Variants in VNN1 observed in about 807,000 individuals in gnomAD.
The protein encoded by VNN1 is vanin 1, also known as pantetheinase.
A neutral mutation model predicts 41.9 loss-of-function variants in VNN1; 29 were observed. The observed-to-expected ratio is 0.69, with a 90% CI of 0.52 to 0.94. VNN1 has a LOEUF of 0.94. Ranked by LOEUF, VNN1 falls within the 40% of genes least tolerant of loss-of-function variation. VNN1 has a pLI of 0.00. For missense variants in VNN1, 637 were observed against 621.1 expected (o/e 1.03, Z -0.27); for synonymous variants, 233 against 224.4 (o/e 1.04, Z -0.34).
At chr6:132,691,587 A>G (rs2114342856) in intron 5 of VNN1, among the ~76,000 whole-genome samples, 1 of 152,332 alleles carries the variant, frequency 6.6e-6, no homozygotes, top group East Asian at 1.9e-4. Flanking sequence ...GTTTTCAATG[A>G]ACTCCTGTTA....
At chr6:132,700,392 C>T (rs1183354293) in intron 2 of VNN1, among the ~76,000 whole-genome samples, 2 of 152,132 alleles carry the variant, frequency 1.3e-5, no homozygotes, top group African/African-American at 4.8e-5. Context: ...AAGAGAGGGC[C>T]CTGACAAGGA....
Position 132,684,442 on chromosome 6 carries a change from C to T in VNN1, c.1252G>A (p.Ala418Thr), listed in dbSNP as rs202108847. 6.2e-7 allele frequency: 1 copy of T among 1,614,010 alleles called. No homozygotes were observed. The highest frequency in any genetic ancestry group is 8.5e-7 in the Non-Finnish European group (1 of 1,179,954). The change falls in exon 6 of 7, where the codon GCT becomes ACT. Residue 418 changes from alanine (A) to threonine (T), a missense_variant. Physicochemically the swap from Ala to Thr is moderately conservative, Grantham distance 58. Transcript: ENST00000367928. ...GAGAACATTTCAAACCTGGTAGAAGCTGTTTCAGCTGAGTCACCGCAAGTG... is the reference window on the plus strand; with the variant it reads ...GAGAACATTTCAAACCTGGTAGAAGTTGTTTCAGCTGAGTCACCGCAAGTG... Reference protein sequence around the residue: ...LNTCGDSAETASTRFEMFSLS... With the variant: ...LNTCGDSAETTSTRFEMFSLS...
In VNN1 at chr6:132,694,250, T is replaced by C; in HGVS notation, c.342-68A>G. ...TCTTAACTCTCAACAAAATCCTGAA[T>C]GATAGTTGCCTAAACCTATTATTTG... On this transcript the variant is annotated intron_variant, in intron 2 of 6. Transcript: ENST00000367928. 4 of 1,433,130 alleles carry C rather than the reference T, an allele frequency of 2.8e-6. No homozygotes were observed. The South Asian group carries it at 4.3e-5, about 15-fold the overall frequency. 88.8% of individuals were successfully genotyped at this position (1,433,130 alleles called of 1,614,324 possible).
chr6:132,685,949 C>A (rs144665879), intron 5 of VNN1, among the ~76,000 whole-genome samples: 1 of 151,682 alleles, frequency 6.6e-6, no homozygotes, highest in South Asian at 2.1e-4. Flanking sequence ...CCCCCTCCAC[C>A]CCCACCCACA....
chr6:132,701,461 T>TG (rs1778448441), intron 2 of VNN1, among the ~76,000 whole-genome samples: 1 of 152,194 alleles, frequency 6.6e-6, no homozygotes, highest in Non-Finnish European at 1.5e-5. Context: ...GGGGAAAAGC[T>TG]GAAAGCCTTT....
chr6:132,693,557 C>T (rs1025362731), intron 3 of VNN1, among the ~76,000 whole-genome samples: 3 of 152,164 alleles, frequency 2.0e-5, no homozygotes, highest in Non-Finnish European at 4.4e-5. Flanking sequence ...CCACTGGAAT[C>T]TTATAAGACA....
chr6:132,687,711 G>A (rs1406884329), intron 5 of VNN1, among the ~76,000 whole-genome samples: 1 of 152,198 alleles, frequency 6.6e-6, no homozygotes, highest in Non-Finnish European at 1.5e-5. Flanking sequence ...AGGGAAACCA[G>A]TGCAGAGAAA....
At chr6:132,685,703 ACCT>A (rs1778195343) in intron 5 of VNN1, among the ~76,000 whole-genome samples, 1 of 152,174 alleles carries the variant, frequency 6.6e-6, no homozygotes, top group Non-Finnish European at 1.5e-5. Flanking sequence ...ACTGCTCTAT[ACCT>A]AGAGCTAGGA....
intron 6 of VNN1, among the ~76,000 whole-genome samples, chr6:132,684,062 G>C (rs532682927): frequency 6.6e-6 from 1 of 151,918 alleles, no homozygotes; most frequent in Admixed American, 6.6e-5. Flanking sequence ...AACTACTCTC[G>C]TTGAATCTTC....
chr6:132,683,483 G>A (rs1392815655), intron 6 of VNN1, among the ~76,000 whole-genome samples, 161 bp from the exon 7 acceptor site: 1 of 152,154 alleles, frequency 6.6e-6, no homozygotes, highest in Non-Finnish European at 1.5e-5. Context: ...AAAAATTGGA[G>A]CTATGAAACT....
intron 2 of VNN1, among the ~76,000 whole-genome samples, chr6:132,706,077 C>A (rs966250031): frequency 6.6e-6 from 1 of 151,918 alleles, no homozygotes; most frequent in African/African-American, 2.4e-5. Context: ...TGTTAAAATG[C>A]CCATACTATC....
rs778411161 is a variant in VNN1, at chr6:132,681,115, G to C, written c.*2025C>G. On this transcript the variant is annotated 3_prime_UTR_variant, in exon 7 of 7. Coordinates refer to ENST00000367928, the MANE Select transcript of VNN1 (RefSeq NM_004666.3). ...CTCAACTCTGTTTGATTCTGTCCAC[G>C]TTGTGCCATTGTTGGTCCATGTGAC... Among the ~76,000 whole-genome samples, 1 of 152,028 alleles carries C rather than the reference G, an allele frequency of 6.6e-6. No individual in the cohort carries two copies. The highest frequency in any genetic ancestry group is 2.4e-5 in the African/African-American group (1 of 41,398).
At chr6:132,713,725 A>G (rs922171036) in intron 1 of VNN1, 101 bp downstream of exon 1, 14 of 1,273,794 alleles carry the variant, frequency 1.1e-5, no homozygotes, top group African/African-American at 6.0e-5. Flanking sequence ...TGATACATAT[A>G]TCATCTAAAA....
intron 2 of VNN1, among the ~76,000 whole-genome samples, chr6:132,700,677 C>T (rs772755680): frequency 5.9e-5 from 9 of 152,100 alleles, no homozygotes; most frequent in Non-Finnish European, 1.3e-4. Context: ...GGACATGCTC[C>T]CTCACACATC....
chr6:132,697,021 C>G (rs552254669), intron 2 of VNN1, among the ~76,000 whole-genome samples: 1 of 152,006 alleles, frequency 6.6e-6, no homozygotes, highest in Non-Finnish European at 1.5e-5. Flanking sequence ...AGCAGAATGG[C>G]GTGAACTCGG....
rs927838423 is a variant in VNN1, at chr6:132,683,054, G to T, written c.*86C>A. ...AAACTAGTAATTCACTTATACTAGA[G>T]GATAATATTAACCCGGACCAATCTT... On this transcript the variant is annotated 3_prime_UTR_variant, in exon 7 of 7. Transcript: ENST00000367928. 51 of 1,215,760 alleles carry T rather than the reference G, an allele frequency of 4.2e-5. No homozygotes were observed. In the African/African-American group the frequency reaches 7.1e-4, roughly 17 times the overall value. 75.3% of individuals were successfully genotyped at this position (1,215,760 alleles called of 1,614,324 possible). A position where few individuals can be genotyped will look rare whatever the true frequency, so the allele number is the denominator to read the frequency against.
chr6:132,685,328 C>G (rs1406783854), intron 5 of VNN1, among the ~76,000 whole-genome samples: 1 of 152,168 alleles, frequency 6.6e-6, no homozygotes. Context: ...TCCAAGTCAC[C>G]TTCATCTCTT....
chr6:132,683,836 A>G (rs1157194046), intron 6 of VNN1, among the ~76,000 whole-genome samples: 1 of 152,248 alleles, frequency 6.6e-6, no homozygotes, highest in Non-Finnish European at 1.5e-5. Context: ...GGCAGAGCAC[A>G]TGTGAAGCAA....
chr6:132,683,563 C>A (rs1435886059), intron 6 of VNN1, among the ~76,000 whole-genome samples: 1 of 152,108 alleles, frequency 6.6e-6, no homozygotes. Context: ...GTGGAAGCGC[C>A]GTAAGAGTTA....
Sources: allele counts gnomAD v4.1 joint callset (sites outside exome capture counted in the v4.1 genomes callset), GRCh38; gene constraint gnomAD v4.1.1; transcripts MANE v1.5; gene names NCBI Gene and HGNC (gene_info 2026-07-23, HGNC 2026-07-21).